The following ADGRL3 variants were observed in gnomAD, a reference collection of about 807,000 sequenced individuals.
The protein encoded by ADGRL3 is calcium-independent alpha-latrotoxin receptor 3.
A neutral mutation model predicts 153.5 loss-of-function variants in ADGRL3; 62 were observed. The ratio of observed to expected loss-of-function variants is 0.40; its 90% CI spans 0.33 to 0.50. ADGRL3 has a LOEUF of 0.50. Ranked by LOEUF, ADGRL3 falls within the 20% of genes least tolerant of loss-of-function variation. The pLI is 0.47. For missense variants in ADGRL3, 1,641 were observed against 1,859.4 expected, an observed-to-expected ratio of 0.88 and a Z score of 2.16; for synonymous variants, 710 against 672.5, an observed-to-expected ratio of 1.06 and a Z score of -0.86.
chr4:61,573,174 G>T (rs1425771941), intron 4 of ADGRL3, among the ~76,000 whole-genome samples: 1 of 151,892 alleles, frequency 6.6e-6, no homozygotes, highest in Non-Finnish European at 1.5e-5. Context: ...GTATTTGAAA[G>T]AATAACCCCA....
intron 1 of ADGRL3, among the ~76,000 whole-genome samples, chr4:61,223,245 A>G (rs1234000289): frequency 1.3e-5 from 2 of 152,180 alleles, no homozygotes; most frequent in East Asian, 1.9e-4. Context: ...CTTTGGAGAG[A>G]TGTTAGAGTG....
At chr4:61,779,695 T>A (rs1336881147) in intron 8 of ADGRL3, among the ~76,000 whole-genome samples, 3 of 146,190 alleles carry the variant, frequency 2.1e-5, no homozygotes, top group Non-Finnish European at 4.5e-5. Context: ...TAGCTACTAC[T>A]AGGTTAGTAT....
intron 5 of ADGRL3, among the ~76,000 whole-genome samples, chr4:61,644,213 A>T (rs1252562908): frequency 4.1e-5 from 6 of 146,202 alleles, no homozygotes; most frequent in Non-Finnish European, 7.5e-5. Flanking sequence ...GCGGTCTATC[A>T]ATTTTGTTGA....
chr4:61,855,007 T>C (rs1403416286), intron 9 of ADGRL3, among the ~76,000 whole-genome samples: 3 of 152,116 alleles, frequency 2.0e-5, no homozygotes, highest in Non-Finnish European at 2.9e-5. Flanking sequence ...TAAGAAAGTA[T>C]CACAGACCAG....
chr4:61,909,797 GTGTGTCTT>G, intron 12 of ADGRL3, 52 bp downstream of exon 12: 1 of 1,332,998 alleles, frequency 7.5e-7, no homozygotes, highest in Non-Finnish European at 1.0e-6. Flanking sequence ...GTGTGTGTGT[GTGTGTCTT>G]TAAAGTTGTA....
At chr4:61,740,245 C>A (rs1052224621) in intron 8 of ADGRL3, among the ~76,000 whole-genome samples, 1 of 152,240 alleles carries the variant, frequency 6.6e-6, no homozygotes, top group East Asian at 1.9e-4. Flanking sequence ...TTTATTATTA[C>A]CTTTAACTGG....
chr4:61,823,809 C>T (rs1008679892), intron 9 of ADGRL3, among the ~76,000 whole-genome samples: 2 of 152,128 alleles, frequency 1.3e-5, no homozygotes, highest in African/African-American at 4.8e-5. Context: ...CGCCTGTAAT[C>T]CCAGCTCTTT....
At chr4:61,452,390 C>A (rs2152525821) in intron 2 of ADGRL3, among the ~76,000 whole-genome samples, 1 of 152,120 alleles carries the variant, frequency 6.6e-6, no homozygotes, top group East Asian at 1.9e-4. Flanking sequence ...CCTGCAGTAA[C>A]CTGGCTGCAA....
intron 8 of ADGRL3, among the ~76,000 whole-genome samples, chr4:61,744,769 A>G (rs1047131810): frequency 2.7e-4 from 41 of 152,202 alleles, no homozygotes; most frequent in African/African-American, 9.9e-4. Context: ...TGGGGAAAAA[A>G]CAGAGCAGAA....
intron 9 of ADGRL3, among the ~76,000 whole-genome samples, chr4:61,828,243 C>T (rs993705195): frequency 3.3e-5 from 5 of 151,916 alleles, no homozygotes; most frequent in Non-Finnish European, 7.4e-5. Context: ...AAGAGGGAAC[C>T]CTTAGGGCAT....
At chr4:61,676,329 CT>C (rs888170453) in intron 5 of ADGRL3, among the ~76,000 whole-genome samples, 3 of 151,802 alleles carry the variant, frequency 2.0e-5, no homozygotes, top group African/African-American at 7.3e-5. Context: ...TAAATATTAA[CT>C]TTTTACTAAT....
chr4:61,235,367 T>C (rs906064948), intron 1 of ADGRL3, among the ~76,000 whole-genome samples: 3 of 152,242 alleles, frequency 2.0e-5, no homozygotes, highest in African/African-American at 7.2e-5. Context: ...TGGCCAGTTT[T>C]TAAATTAACA....
At chr4:61,642,733 C>T (rs1580027786) in intron 5 of ADGRL3, among the ~76,000 whole-genome samples, 1 of 152,114 alleles carries the variant, frequency 6.6e-6, no homozygotes, top group African/African-American at 2.4e-5. Flanking sequence ...ATGCCTCCAG[C>T]TTTGTTCTTT....
chr4:61,467,882 C>T (rs1277982745), intron 2 of ADGRL3, among the ~76,000 whole-genome samples: 4 of 152,074 alleles, frequency 2.6e-5, no homozygotes, highest in Non-Finnish European at 5.9e-5. Flanking sequence ...CTTAATGGTC[C>T]TATGTATGTA....
chr4:61,971,203 A>T (rs895075705), intron 17 of ADGRL3, among the ~76,000 whole-genome samples: 12 of 151,706 alleles, frequency 7.9e-5, no homozygotes, highest in African/African-American at 2.7e-4. Context: ...CATGTGCACA[A>T]TGTGCAGGTT....
rs139051024 is a variant in ADGRL3 at position 61,631,656 on chromosome 4, T to C, written c.473+44216T>C. Among the ~76,000 whole-genome samples the C allele has an allele frequency of 1.3e-3, 199 of 152,326 alleles. 1 individual carries two copies. The highest frequency in any genetic ancestry group is 4.5e-3 in the African/African-American group (189 of 41,584). On this transcript the variant is annotated intron_variant, in intron 5 of 26. Transcript: ENST00000683033. Reference sequence around the variant, plus strand: ...AGGTAATGGGCAGATAGAAAGTAGTTACCAAACTTTTGTTGGCTAGATTAA... The same window carrying C: ...AGGTAATGGGCAGATAGAAAGTAGTCACCAAACTTTTGTTGGCTAGATTAA...
intron 9 of ADGRL3, among the ~76,000 whole-genome samples, chr4:61,871,111 T>C (rs1173529341): frequency 7.2e-6 from 1 of 138,018 alleles, no homozygotes; most frequent in Non-Finnish European, 1.5e-5. Context: ...ACCCCGTCTC[T>C]ACTAAAAATA....
intron 4 of ADGRL3, among the ~76,000 whole-genome samples, chr4:61,554,943 G>A (rs1241656733): frequency 6.6e-6 from 1 of 152,186 alleles, no homozygotes; most frequent in Non-Finnish European, 1.5e-5. Context: ...GGAAAAGGAA[G>A]TTTGGACTGT....
chr4:61,561,107 T>A (rs1436365865), intron 4 of ADGRL3, among the ~76,000 whole-genome samples: 3 of 152,152 alleles, frequency 2.0e-5, no homozygotes, highest in Non-Finnish European at 4.4e-5. Flanking sequence ...TATATCAGAT[T>A]TATTTGCCAT....
Sources: gnomAD v4.1 joint callset for allele counts (sites outside exome capture counted in the v4.1 genomes callset) on GRCh38, gnomAD v4.1.1 for gene constraint, MANE v1.5 for transcripts, NCBI Gene and HGNC (gene_info 2026-07-23, HGNC 2026-07-21) for gene names.